ADGRL3: variants seen among roughly 807,000 people sequenced by gnomAD.
The protein encoded by ADGRL3 is calcium-independent alpha-latrotoxin receptor 3.
Under a neutral mutation model 153.5 loss-of-function variants are expected in ADGRL3, and 62 were observed. The observed-to-expected ratio is 0.40, with a 90% CI of 0.33 to 0.50. The LOEUF (loss-of-function observed/expected upper bound fraction) is 0.50, where lower values mean the gene tolerates loss of function less well. Among genes scored for constraint, ADGRL3 ranks in the 20% least tolerant of loss-of-function variants. ADGRL3 has a pLI of 0.47. For synonymous variants in ADGRL3, 710 were observed against 672.5 expected, an observed-to-expected ratio of 1.06 and a Z score of -0.86; for missense variants, 1,641 against 1,859.4, an observed-to-expected ratio of 0.88 and a Z score of 2.16.
chr4:61,615,093 G>C (rs2091843878), intron 5 of ADGRL3, among the ~76,000 whole-genome samples: 1 of 152,066 alleles, frequency 6.6e-6, no homozygotes, highest in Non-Finnish European at 1.5e-5. Flanking sequence ...TATAATGAAA[G>C]AGAAGCTATT....
At chr4:61,856,223 A>C (rs183519534) in intron 9 of ADGRL3, among the ~76,000 whole-genome samples, 1 of 152,084 alleles carries the variant, frequency 6.6e-6, no homozygotes, top group Admixed American at 6.6e-5. Flanking sequence ...ATAATAAATA[A>C]ATAAAAATTT....
At position 61,625,804 on chromosome 4, in the gene ADGRL3, G is replaced by A. The variant is rs571482171; in HGVS notation, c.473+38364G>A. 3.3e-5 allele frequency among the ~76,000 whole-genome samples: 5 copies of A among 152,180 alleles called. No homozygotes were observed. In the South Asian group the frequency reaches 1.0e-3, roughly 31 times the overall value. ...AGCTTCTTAAAGGAGGAATAAAGAT[G>A]AACAGAAGTGTGGGTGTTGGTATTC... On this transcript the variant is annotated intron_variant, in intron 5 of 26. Transcript: ENST00000683033.
intron 1 of ADGRL3, among the ~76,000 whole-genome samples, chr4:61,313,621 A>T (rs114355846): frequency 0.031 from 4,672 of 152,304 alleles, 110 homozygotes; most frequent in Non-Finnish European, 0.046. Context: ...AGAGTAAGTG[A>T]TGTAAATAAA....
chr4:61,802,380 C>G (rs2097508506), intron 8 of ADGRL3, among the ~76,000 whole-genome samples: 1 of 152,130 alleles, frequency 6.6e-6, no homozygotes, highest in Non-Finnish European at 1.5e-5. Context: ...CTAAAAAGTT[C>G]ATGTTCCACT....
intron 17 of ADGRL3, among the ~76,000 whole-genome samples, chr4:61,968,562 A>T (rs558196922): frequency 6.6e-6 from 1 of 152,282 alleles, no homozygotes; most frequent in East Asian, 1.9e-4. Flanking sequence ...AGCCACAATG[A>T]TAGGCATCTT....
At position 61,537,389 on chromosome 4, in the gene ADGRL3, G is replaced by A. The variant is rs2098663523; in HGVS notation, c.259+19871G>A. Among the ~76,000 whole-genome samples, 5 of 151,916 alleles carry A rather than the reference G, an allele frequency of 3.3e-5. No individual in the cohort carries two copies. The South Asian group carries it at 1.0e-3, about 31-fold the overall frequency. ...GTTCAGCTTGTGTTGTATCTTGCAA[G>A]TGTTAATTTACTGTATCTGGATATT... On this transcript the variant is annotated intron_variant, in intron 4 of 26. Transcript: ENST00000683033.
chr4:61,835,170 G>A (rs2097916888), intron 9 of ADGRL3, among the ~76,000 whole-genome samples: 1 of 151,890 alleles, frequency 6.6e-6, no homozygotes, highest in Non-Finnish European at 1.5e-5. Flanking sequence ...TTAGATATTG[G>A]GAGGAATCTA....
chr4:62,064,328 T>A (rs1282074801), intron 25 of ADGRL3, among the ~76,000 whole-genome samples: 1 of 150,850 alleles, frequency 6.6e-6, no homozygotes, highest in African/African-American at 2.5e-5. Context: ...AAAAATTAAT[T>A]GTATCTCAGA....
At chr4:61,325,010 C>T (rs2150842902) in intron 1 of ADGRL3, among the ~76,000 whole-genome samples, 1 of 152,186 alleles carries the variant, frequency 6.6e-6, no homozygotes, top group East Asian at 1.9e-4. Context: ...TTACTAAGTG[C>T]ATTGCTTAAA....
rs1021324015 is a variant in ADGRL3, at chr4:61,834,231, G to A, written c.1480+20342G>A. Among the ~76,000 whole-genome samples, 8 of 151,648 alleles carry A rather than the reference G, an allele frequency of 5.3e-5. No individual in the cohort carries two copies. The South Asian group carries it at 6.2e-4, about 12-fold the overall frequency. On this transcript the variant is annotated intron_variant, in intron 9 of 26. Coordinates refer to ENST00000683033, the MANE Select transcript of ADGRL3 (RefSeq NM_001387552.1). The stretch of plus-strand genomic sequence containing the variant: ...GCGGTGTTTGGTTTTTTGTCCTTGC[G>A]ATAGTTTGCTGAGAATGATAGTTTC...
At chr4:61,268,719 T>C (rs2092993927) in intron 1 of ADGRL3, among the ~76,000 whole-genome samples, 1 of 151,552 alleles carries the variant, frequency 6.6e-6, no homozygotes, top group Non-Finnish European at 1.5e-5. Flanking sequence ...ATACATTATA[T>C]AAAATTAAAT....
intron 1 of ADGRL3, among the ~76,000 whole-genome samples, chr4:61,379,434 T>C (rs1423812954): frequency 1.3e-5 from 2 of 152,018 alleles, no homozygotes; most frequent in Non-Finnish European, 2.9e-5. Flanking sequence ...CTAAGAATGA[T>C]TTAAGGATTA....
intron 8 of ADGRL3, among the ~76,000 whole-genome samples, chr4:61,809,560 T>C (rs1181816965): frequency 6.6e-6 from 1 of 152,058 alleles, no homozygotes; most frequent in Non-Finnish European, 1.5e-5. Flanking sequence ...AATTAGGCCT[T>C]CCTTGAGCAC....
intron 4 of ADGRL3, among the ~76,000 whole-genome samples, chr4:61,581,199 C>T (rs2098923435): frequency 6.6e-6 from 1 of 151,804 alleles, no homozygotes; most frequent in Non-Finnish European, 1.5e-5. Flanking sequence ...ATTAGACAGC[C>T]ACAGTTACTG....
At chr4:61,288,839 C>T (rs1336715660) in intron 1 of ADGRL3, among the ~76,000 whole-genome samples, 4 of 151,878 alleles carry the variant, frequency 2.6e-5, no homozygotes, top group African/African-American at 7.2e-5. Flanking sequence ...AGCTTTTCAG[C>T]GGTTCTAAAT....
intron 2 of ADGRL3, among the ~76,000 whole-genome samples, chr4:61,437,751 A>G (rs2097468241): frequency 6.6e-6 from 1 of 152,116 alleles, no homozygotes; most frequent in Non-Finnish European, 1.5e-5. Context: ...TCCCCATACA[A>G]GCTTCTCCTT....
intron 8 of ADGRL3, among the ~76,000 whole-genome samples, chr4:61,741,696 C>G (rs1016551005): frequency 6.6e-6 from 1 of 152,184 alleles, no homozygotes; most frequent in Non-Finnish European, 1.5e-5. Flanking sequence ...GCCTTTCAGG[C>G]TCTGAGTAAA....
rs932725951 is a variant in ADGRL3 at position 61,930,044 on chromosome 4, C to T, written c.2113-4796C>T. On this transcript the variant is annotated intron_variant, in intron 13 of 26. Transcript: ENST00000683033. The stretch of plus-strand genomic sequence containing the variant: ...ACAAAAAATTAGCCGGGTGTGGTGA[C>T]GGGCGCCTGTAGTCCCAGCTACTCG... Among the ~76,000 whole-genome samples the T allele has an allele frequency of 5.1e-4, 78 of 151,974 alleles. 1 individual carries two copies. The highest frequency in any genetic ancestry group is 1.6e-3 in the African/African-American group (68 of 41,440).
rs866535502 is a variant in ADGRL3, at chr4:61,869,960, A to G, written c.1481-22696A>G. Among the ~76,000 whole-genome samples, 246 of 101,836 alleles carry G rather than the reference A, an allele frequency of 2.4e-3. 1 individual carries two copies. The highest frequency in any genetic ancestry group is 9.0e-3 in the Middle Eastern group (2 of 222). 66.8% of individuals were successfully genotyped at this position (101,836 alleles called of 152,430 possible). The stretch of plus-strand genomic sequence containing the variant: ...TTAAAAAAAAAAAAAAAAAAAAAAA[A>G]AGAGAGAGAGAGAGAAAGAGAGAGA... On this transcript the variant is annotated intron_variant, in intron 9 of 26. Transcript: ENST00000683033.
Sources: gnomAD v4.1 joint callset for allele counts (sites outside exome capture counted in the v4.1 genomes callset) on GRCh38, gnomAD v4.1.1 for gene constraint, MANE v1.5 for transcripts, NCBI Gene and HGNC (gene_info 2026-07-23, HGNC 2026-07-21) for gene names.